ESRRG: variants seen among roughly 807,000 people sequenced by gnomAD.
ESRRG encodes the protein estrogen related receptor gamma.
A neutral mutation model predicts 44.0 loss-of-function variants in ESRRG; 13 were observed. The ratio of observed to expected loss-of-function variants is 0.30; its 90% confidence interval spans 0.19 to 0.47. ESRRG has a LOEUF of 0.47. ESRRG is among the 20% of genes least tolerant of loss of function. The pLI, the probability that ESRRG is intolerant of heterozygous loss-of-function variation, is 1.00. For synonymous variants in ESRRG, 215 were observed against 214.6 expected, an observed-to-expected ratio of 1.00 and a Z score of -0.02; for missense variants, 395 against 580.6, an observed-to-expected ratio of 0.68 and a Z score of 3.29.
chr1:216,662,937 T>G (rs1468604389), intron 2 of ESRRG, among the ~76,000 whole-genome samples: 1 of 152,220 alleles, frequency 6.6e-6, no homozygotes, highest in African/African-American at 2.4e-5. Flanking sequence ...CCATCTCTTG[T>G]CTAAACCATA....
At chr1:217,042,463 TAC>T (rs1189366515) in intron 1 of ESRRG, among the ~76,000 whole-genome samples, 1 of 82,698 alleles carries the variant, frequency 1.2e-5, no homozygotes, top group Admixed American at 1.4e-4. Flanking sequence ...CACACACACA[TAC>T]ACACACAAAC....
intron 1 of ESRRG, among the ~76,000 whole-genome samples, chr1:217,032,041 T>A (rs1207363233): frequency 6.6e-6 from 1 of 152,224 alleles, no homozygotes; most frequent in Non-Finnish European, 1.5e-5. Context: ...TTCCCCTTGC[T>A]AAGGTGCTAA....
intron 1 of ESRRG, among the ~76,000 whole-genome samples, chr1:216,991,012 G>T (rs1179139041): frequency 6.6e-6 from 1 of 152,074 alleles, no homozygotes; most frequent in Non-Finnish European, 1.5e-5. Context: ...TGAGTGACAG[G>T]GAGGCGAGCA....
At chr1:217,050,175 G>T (rs1160151125) in intron 1 of ESRRG, among the ~76,000 whole-genome samples, 1 of 152,132 alleles carries the variant, frequency 6.6e-6, no homozygotes, top group Non-Finnish European at 1.5e-5. Flanking sequence ...CATCTACAGT[G>T]ATGTGCCAAG....
At chr1:216,795,007 T>G (rs1559665804) in intron 2 of ESRRG, among the ~76,000 whole-genome samples, 1 of 152,140 alleles carries the variant, frequency 6.6e-6, no homozygotes, top group Non-Finnish European at 1.5e-5. Flanking sequence ...TTTTGTCATC[T>G]AAGAAATTCA....
chr1:216,936,960 A>G (rs1423457425), intron 2 of ESRRG, among the ~76,000 whole-genome samples: 1 of 152,094 alleles, frequency 6.6e-6, no homozygotes, highest in Admixed American at 6.6e-5. Context: ...CTTAACCGAG[A>G]GGCATTCTCA....
intron 3 of ESRRG, among the ~76,000 whole-genome samples, chr1:216,622,992 C>T (rs1285752813): frequency 6.6e-6 from 1 of 151,680 alleles, no homozygotes; most frequent in Non-Finnish European, 1.5e-5. Flanking sequence ...ATCCTTTTTT[C>T]CTCTGGAAGT....
At chr1:216,508,552 C>T (rs541928008) in intron 6 of ESRRG, among the ~76,000 whole-genome samples, 2 of 152,254 alleles carry the variant, frequency 1.3e-5, no homozygotes, top group African/African-American at 4.8e-5. Flanking sequence ...CAAGTCACTC[C>T]CCAACATACG....
At chr1:216,607,984 CTAA>C (rs923629655) in intron 3 of ESRRG, among the ~76,000 whole-genome samples, 2 of 152,268 alleles carry the variant, frequency 1.3e-5, no homozygotes, top group Admixed American at 6.5e-5. Flanking sequence ...TCAAGGAGTA[CTAA>C]TGTCATTTGA....
At chr1:216,985,557 A>T (rs948803096) in intron 1 of ESRRG, among the ~76,000 whole-genome samples, 1 of 152,168 alleles carries the variant, frequency 6.6e-6, no homozygotes, top group Non-Finnish European at 1.5e-5. Context: ...ATTTTCAGTT[A>T]GGAAGTTGCT....
At chr1:217,065,169 T>C (rs2089421836) in intron 1 of ESRRG, among the ~76,000 whole-genome samples, 1 of 152,236 alleles carries the variant, frequency 6.6e-6, no homozygotes, top group South Asian at 2.1e-4. Flanking sequence ...AGAATGCTGA[T>C]ATATTTCTAG....
intron 5 of ESRRG, among the ~76,000 whole-genome samples, chr1:216,542,670 T>C (rs922118855): frequency 2.0e-5 from 3 of 152,014 alleles, no homozygotes; most frequent in Non-Finnish European, 4.4e-5. Flanking sequence ...AAAATTAAAG[T>C]TCTTAATGAC....
chr1:216,658,785 A>G (rs1234642458), intron 2 of ESRRG, among the ~76,000 whole-genome samples: 1 of 151,912 alleles, frequency 6.6e-6, no homozygotes, highest in Non-Finnish European at 1.5e-5. Context: ...GTGAGCTGAA[A>G]TCGTGCCACT....
intron 1 of ESRRG, among the ~76,000 whole-genome samples, chr1:216,977,685 C>T (rs1029327433): frequency 2.6e-5 from 4 of 152,142 alleles, no homozygotes; most frequent in Non-Finnish European, 4.4e-5. Context: ...CAACATCCTG[C>T]ATTGGTGGCT....
chr1:216,544,178 T>G (rs944418742), intron 5 of ESRRG, among the ~76,000 whole-genome samples: 1 of 152,034 alleles, frequency 6.6e-6, no homozygotes, highest in Admixed American at 6.6e-5. Flanking sequence ...ATTGTGCATA[T>G]GATAATCATT....
rs550844175 is a variant in ESRRG at position 216,868,363 on chromosome 1, C to T, written c.-14+71219G>A. On this transcript the variant is annotated intron_variant, in intron 2 of 7. Coordinates refer to the ESRRG transcript ENST00000359162. ...TCGGCCTCCCAAAGTGCTGGGATTA[C>T]GGGATCCTGTGTGCCACCACGCCAG... 4.6e-5 allele frequency among the ~76,000 whole-genome samples: 7 copies of T among 152,220 alleles called. No individual in the cohort carries two copies. In the East Asian group the frequency reaches 5.8e-4, roughly 13 times the overall value.
intron 1 of ESRRG, among the ~76,000 whole-genome samples, chr1:216,983,212 T>C (rs758281713): frequency 6.6e-6 from 1 of 151,970 alleles, no homozygotes; most frequent in Non-Finnish European, 1.5e-5. Flanking sequence ...AGAATTAGTA[T>C]ACCAAGACAG....
At chr1:217,135,455 C>T (rs2093035632) in intron 1 of ESRRG, among the ~76,000 whole-genome samples, 1 of 152,032 alleles carries the variant, frequency 6.6e-6, no homozygotes, top group Non-Finnish European at 1.5e-5. Context: ...GGAGGAGGGA[C>T]AAGAGAAAGC....
At chr1:216,878,641 A>G (rs1488895441) in intron 2 of ESRRG, among the ~76,000 whole-genome samples, 3 of 152,206 alleles carry the variant, frequency 2.0e-5, no homozygotes, top group South Asian at 2.1e-4. Context: ...TCAAAAAGCA[A>G]CAATACACAG....
Sources: allele counts gnomAD v4.1 joint callset (sites outside exome capture counted in the v4.1 genomes callset), GRCh38; gene constraint gnomAD v4.1.1; transcripts MANE v1.5; gene names NCBI Gene and HGNC (gene_info 2026-07-23, HGNC 2026-07-21).